The following DRC8 variants were observed in gnomAD, a reference collection of about 807,000 sequenced individuals.
The protein encoded by DRC8 is dynein regulatory complex subunit 8.
At chr1:245,000,867 A>G in the DRC8 span, among the ~76,000 whole-genome samples, 1 of 152,102 alleles carries the variant, frequency 6.6e-6, no homozygotes, top group Admixed American at 6.5e-5. Flanking sequence ...GGGTAAGCAC[A>G]GGGTACTGTG....
chr1:245,098,072 T>G, the DRC8 span, among the ~76,000 whole-genome samples: 1 of 152,104 alleles, frequency 6.6e-6, no homozygotes, highest in African/African-American at 2.4e-5. Flanking sequence ...TAATGGTGGA[T>G]AGTGAAAGGC....
At chr1:245,077,386 A>C in the DRC8 span, among the ~76,000 whole-genome samples, 1 of 152,236 alleles carries the variant, frequency 6.6e-6, no homozygotes, top group Non-Finnish European at 1.5e-5. Flanking sequence ...ATAATATATT[A>C]ATATTGATTC....
the DRC8 span, among the ~76,000 whole-genome samples, chr1:245,045,922 G>T: frequency 6.6e-6 from 1 of 152,186 alleles, no homozygotes; most frequent in Non-Finnish European, 1.5e-5. Flanking sequence ...AAAGGGAGTA[G>T]CCTCTGGTCC....
At chr1:245,083,269 T>C in the DRC8 span, among the ~76,000 whole-genome samples, 1 of 152,170 alleles carries the variant, frequency 6.6e-6, no homozygotes, top group Non-Finnish European at 1.5e-5. Context: ...TGCCTGATGA[T>C]CTGAGGTGGA....
At chr1:245,072,059 C>T in the DRC8 span, among the ~76,000 whole-genome samples, 1 of 152,202 alleles carries the variant, frequency 6.6e-6, no homozygotes, top group South Asian at 2.1e-4. Context: ...CATAACCCAG[C>T]ACTCTTCTCC....
chr1:244,997,797 G>A, the DRC8 span, among the ~76,000 whole-genome samples: 4 of 151,914 alleles, frequency 2.6e-5, no homozygotes, highest in Non-Finnish European at 4.4e-5. Flanking sequence ...CGCCCACCTC[G>A]GCCTCCCAAA....
the DRC8 span, among the ~76,000 whole-genome samples, chr1:244,997,366 A>T: frequency 6.6e-6 from 1 of 152,116 alleles, no homozygotes; most frequent in African/African-American, 2.4e-5. Context: ...CTTTCCTGCT[A>T]GAATGCCACT....
At chr1:245,082,215 C>T in the DRC8 span, 1 of 1,484,092 alleles carries the variant, frequency 6.7e-7, no homozygotes, top group Non-Finnish European at 9.4e-7. Context: ...AATTATGAAT[C>T]CATTCATTTC....
chr1:244,981,491 C>A, the DRC8 span, among the ~76,000 whole-genome samples: 3 of 152,132 alleles, frequency 2.0e-5, no homozygotes, highest in Non-Finnish European at 2.9e-5. Flanking sequence ...TTAATCCTTA[C>A]AATAAATCTA....
the DRC8 span, chr1:244,970,463 G>C: frequency 9.2e-6 from 14 of 1,525,244 alleles, no homozygotes; most frequent in Non-Finnish European, 4.4e-6. Flanking sequence ...GGGAGCCGGG[G>C]AGCCGCTGCC....
the DRC8 span, among the ~76,000 whole-genome samples, chr1:245,031,457 C>T: frequency 2.2e-4 from 34 of 151,610 alleles, no homozygotes; most frequent in Non-Finnish European, 4.1e-4. Context: ...GGTGCTTTTC[C>T]CTTTACAGCT....
chr1:244,998,376 T>C, the DRC8 span, among the ~76,000 whole-genome samples: 1 of 152,056 alleles, frequency 6.6e-6, no homozygotes, highest in Non-Finnish European at 1.5e-5. Context: ...ATTTGGCTAA[T>C]TTTAAAATTT....
the DRC8 span, chr1:245,086,702 G>A: frequency 1.9e-5 from 10 of 532,448 alleles, no homozygotes; most frequent in East Asian, 2.7e-4. Context: ...ATCATAACAC[G>A]TTTCATTCTC....
At chr1:245,035,552 C>CAT in the DRC8 span, among the ~76,000 whole-genome samples, 1 of 152,064 alleles carries the variant, frequency 6.6e-6, no homozygotes, top group South Asian at 2.1e-4. Context: ...TACCACACAC[C>CAT]ATATATGAAA....
the DRC8 span, among the ~76,000 whole-genome samples, chr1:245,045,202 T>G: frequency 0.96 from 145,302 of 152,094 alleles, 69,791 homozygotes; most frequent in East Asian, 1. Context: ...TAGAAACAGG[T>G]TCTTACTGTA....
At chr1:245,075,150 A>T in the DRC8 span, among the ~76,000 whole-genome samples, 1 of 152,196 alleles carries the variant, frequency 6.6e-6, no homozygotes. Flanking sequence ...GTTCAGCATT[A>T]AAATAAATAA....
the DRC8 span, among the ~76,000 whole-genome samples, chr1:245,057,696 G>A: frequency 6.6e-6 from 1 of 151,322 alleles, no homozygotes; most frequent in Non-Finnish European, 1.5e-5. Context: ...ATATTTATGA[G>A]GTCCGTGGGC....
the DRC8 span, among the ~76,000 whole-genome samples, chr1:245,092,583 G>A: frequency 6.6e-6 from 1 of 152,172 alleles, no homozygotes; most frequent in Non-Finnish European, 1.5e-5. Flanking sequence ...CTGGAAGGAG[G>A]GTGTTAGAAA....
chr1:245,042,796 C>T, the DRC8 span, among the ~76,000 whole-genome samples: 1 of 152,016 alleles, frequency 6.6e-6, no homozygotes, highest in Non-Finnish European at 1.5e-5. Context: ...GTGTTTTTGA[C>T]CTTAGGCTGC....
Sources: allele counts gnomAD v4.1 joint callset (sites outside exome capture counted in the v4.1 genomes callset), GRCh38; gene constraint gnomAD v4.1.1; transcripts MANE v1.5; gene names NCBI Gene and HGNC (gene_info 2026-07-23, HGNC 2026-07-21).